The following FRMD6 variants were observed in gnomAD, a reference collection of about 807,000 sequenced individuals.
FRMD6 encodes the protein FERM domain-containing protein 6.
Under a neutral mutation model 73.2 loss-of-function variants are expected in FRMD6, and 37 were observed. The ratio of observed to expected loss-of-function variants is 0.51; its 90% CI spans 0.39 to 0.66. The LOEUF is 0.66. FRMD6 is among the 30% of genes least tolerant of loss of function. The pLI is 0.00. For synonymous variants in FRMD6, 273 were observed against 282.2 expected (o/e 0.97, Z 0.33); for missense variants, 714 against 780.5 (o/e 0.91, Z 1.02).
At chr14:51,608,995 T>C (rs939096183) in intron 2 of FRMD6, among the ~76,000 whole-genome samples, 1 of 152,104 alleles carries the variant, frequency 6.6e-6, no homozygotes, top group East Asian at 1.9e-4. Flanking sequence ...TTCTGGGAGA[T>C]TTTTACAGCT....
chr14:51,409,689 C>A, the FRMD6 span, among the ~76,000 whole-genome samples: 2 of 152,164 alleles, frequency 1.3e-5, no homozygotes, highest in African/African-American at 4.8e-5. Context: ...GCCTCAACCT[C>A]CCAGACTCAA....
At chr14:51,463,107 T>C in the FRMD6 span, among the ~76,000 whole-genome samples, 1 of 152,334 alleles carries the variant, frequency 6.6e-6, no homozygotes, top group Middle Eastern at 3.4e-3. Context: ...AGGACAACTT[T>C]CCCTATCGCA....
At chr14:51,617,286 T>C (rs1322773217) in intron 2 of FRMD6, among the ~76,000 whole-genome samples, 1 of 152,160 alleles carries the variant, frequency 6.6e-6, no homozygotes, top group East Asian at 1.9e-4. Flanking sequence ...TCAGAGATTT[T>C]ACTACTGAAC....
chr14:51,422,154 C>T, the FRMD6 span, among the ~76,000 whole-genome samples: 2 of 152,124 alleles, frequency 1.3e-5, no homozygotes, highest in Non-Finnish European at 2.9e-5. Context: ...TATATATCAT[C>T]ATCATAAAGC....
At chr14:51,513,286 T>A (rs1884422372) in intron 1 of FRMD6, among the ~76,000 whole-genome samples, 2 of 152,222 alleles carry the variant, frequency 1.3e-5, no homozygotes, top group African/African-American at 4.8e-5. Context: ...CAAAACAGGC[T>A]GCATTTCCTG....
chr14:51,567,204 A>G (rs1887824726), intron 1 of FRMD6, among the ~76,000 whole-genome samples: 1 of 152,194 alleles, frequency 6.6e-6, no homozygotes, highest in Non-Finnish European at 1.5e-5. Context: ...AATGTATTTT[A>G]ATGTAAAATC....
chr14:51,634,200 T>C (rs1891455333), intron 2 of FRMD6, among the ~76,000 whole-genome samples: 1 of 152,224 alleles, frequency 6.6e-6, no homozygotes, highest in Non-Finnish European at 1.5e-5. Context: ...TAAAATCATG[T>C]GGCATACAAT....
intron 1 of FRMD6, among the ~76,000 whole-genome samples, chr14:51,525,311 C>T (rs559743391): frequency 2.4e-4 from 37 of 151,974 alleles, no homozygotes; most frequent in African/African-American, 8.0e-4. Context: ...TCTTGTCACC[C>T]GGGCTGGAGT....
chr14:51,464,893 T>C, the FRMD6 span, among the ~76,000 whole-genome samples: 2 of 152,062 alleles, frequency 1.3e-5, no homozygotes, highest in African/African-American at 4.8e-5. Flanking sequence ...CAAGAGAAAT[T>C]GCATGCAGAA....
At chr14:51,578,079 G>T (rs2139639936) in intron 2 of FRMD6, among the ~76,000 whole-genome samples, 1 of 152,186 alleles carries the variant, frequency 6.6e-6, no homozygotes, top group East Asian at 1.9e-4. Flanking sequence ...TGTTATTATT[G>T]TTCTTTGCCA....
At chr14:51,723,790 A>C (rs1897778473) in intron 12 of FRMD6, among the ~76,000 whole-genome samples, 1 of 152,006 alleles carries the variant, frequency 6.6e-6, no homozygotes, top group Non-Finnish European at 1.5e-5. Context: ...AAAAAAAGAA[A>C]AAGAACAAGT....
intron 2 of FRMD6, among the ~76,000 whole-genome samples, chr14:51,633,991 A>G (rs1221936689): frequency 2.7e-5 from 4 of 150,122 alleles, no homozygotes; most frequent in African/African-American, 9.9e-5. Flanking sequence ...TTTACAGAAC[A>G]TGCCTGTGCA....
At chr14:51,639,748 T>G (rs1302223640) in intron 2 of FRMD6, among the ~76,000 whole-genome samples, 1 of 152,220 alleles carries the variant, frequency 6.6e-6, no homozygotes, top group Non-Finnish European at 1.5e-5. Context: ...ACCTCGTATT[T>G]ATCTATGAGC....
the FRMD6 span, among the ~76,000 whole-genome samples, chr14:51,478,867 T>G: frequency 3.9e-5 from 6 of 152,324 alleles, no homozygotes; most frequent in East Asian, 1.9e-4. Context: ...TATACTGTAA[T>G]ATTTATCTTT....
At chr14:51,566,481 T>C (rs924670112) in intron 1 of FRMD6, among the ~76,000 whole-genome samples, 1 of 152,224 alleles carries the variant, frequency 6.6e-6, no homozygotes, top group Non-Finnish European at 1.5e-5. Flanking sequence ...AGGGACATTT[T>C]CTGAAAAATA....
At chr14:51,488,360 G>A (rs1882824463), upstream of FRMD6, among the ~76,000 whole-genome samples, 1 of 152,216 alleles carries the variant, frequency 6.6e-6, no homozygotes, top group South Asian at 2.1e-4. Context: ...TGGAATAGAT[G>A]TAAAACTGAG....
intron 1 of FRMD6, among the ~76,000 whole-genome samples, chr14:51,542,643 A>G (rs1257496777): frequency 4.6e-5 from 7 of 151,938 alleles, no homozygotes; most frequent in African/African-American, 1.7e-4. Context: ...TATACCTAGA[A>G]TTGCTGGGTA....
intron 2 of FRMD6, among the ~76,000 whole-genome samples, chr14:51,612,314 T>C (rs1285781121): frequency 2.0e-5 from 3 of 152,164 alleles, no homozygotes; most frequent in Non-Finnish European, 4.4e-5. Context: ...AGCCTCATTG[T>C]TGTAATTTGG....
chr14:51,546,508 A>C (rs1158852862), intron 1 of FRMD6: 2 of 149,394 alleles, frequency 1.3e-5, no homozygotes, highest in Non-Finnish European at 3.0e-5. Context: ...TAATGGGGTA[A>C]AGGTAATTTA....
Sources: allele counts gnomAD v4.1 joint callset (sites outside exome capture counted in the v4.1 genomes callset), GRCh38; gene constraint gnomAD v4.1.1; transcripts MANE v1.5; gene names NCBI Gene and HGNC (gene_info 2026-07-23, HGNC 2026-07-21).